The following KCNJ4 variants were observed in gnomAD, a reference collection of about 807,000 sequenced individuals.
The protein encoded by KCNJ4 is potassium inwardly rectifying channel subfamily J member 4.
Under a neutral mutation model 25.6 loss-of-function variants are expected in KCNJ4, and 3 were observed. The ratio of observed to expected loss-of-function variants is 0.12; its 90% confidence interval spans 0.05 to 0.30. The LOEUF (loss-of-function observed/expected upper bound fraction) is 0.30. Ranked by LOEUF, KCNJ4 falls within the 10% of genes least tolerant of loss-of-function variation. The pLI, the probability that KCNJ4 is intolerant of heterozygous loss-of-function variation, is 1.00. For synonymous variants in KCNJ4, 257 were observed against 283.9 expected (o/e 0.91, Z 0.95); for missense variants, 286 against 666.8 (o/e 0.43, Z 6.29).
At chr22:38,448,711 C>T (rs550126783) in intron 1 of KCNJ4, among the ~76,000 whole-genome samples, 1 of 152,196 alleles carries the variant, frequency 6.6e-6, no homozygotes, top group African/African-American at 2.4e-5. Flanking sequence ...GCCACCATTG[C>T]TGAGTGACCC....
intron 1 of KCNJ4, among the ~76,000 whole-genome samples, chr22:38,428,820 C>G (rs2093040652): frequency 6.6e-6 from 1 of 152,130 alleles, no homozygotes; most frequent in Admixed American, 6.6e-5. Context: ...CACAGGGGCT[C>G]ATGCCTGTGA....
At chr22:38,446,525 T>C (rs1235069072) in intron 1 of KCNJ4, among the ~76,000 whole-genome samples, 1 of 152,106 alleles carries the variant, frequency 6.6e-6, no homozygotes, top group Non-Finnish European at 1.5e-5. Context: ...CCCAAGGCAG[T>C]GGCTGGTGAT....
chr22:38,451,469 C>T (rs2089409944), intron 1 of KCNJ4, among the ~76,000 whole-genome samples: 2 of 152,150 alleles, frequency 1.3e-5, no homozygotes, highest in South Asian at 4.1e-4. Flanking sequence ...AGGAGTTCTT[C>T]AAAGAGACCA....
chr22:38,450,054 A>G (rs1452516456), intron 1 of KCNJ4, among the ~76,000 whole-genome samples: 4 of 152,254 alleles, frequency 2.6e-5, no homozygotes, highest in African/African-American at 9.6e-5. Context: ...CTCAGCCCAT[A>G]TTATTATTTC....
Position 38,443,175 on chromosome 22 carries a change from C to T in KCNJ4, c.-40+11805G>A, listed in dbSNP as rs2089349213. On this transcript the variant is annotated intron_variant, in intron 1 of 1. Transcript: ENST00000303592. This position sits in a 1 kb window ranked among gnomAD's most constrained non-coding sequence, Gnocchi z 4.1. Reference sequence around the variant, plus strand: ...GCTCTGGACTGGCCCTCGTTTTCCTCCTTGAGTCCTCCAGGCCTGAGGGTC... The same window carrying T: ...GCTCTGGACTGGCCCTCGTTTTCCTTCTTGAGTCCTCCAGGCCTGAGGGTC... Among the ~76,000 whole-genome samples the T allele has an allele frequency of 6.6e-6, 1 of 152,156 alleles. No homozygotes were observed. Among genetic ancestry groups the T allele is most frequent in the Non-Finnish European group, 1.5e-5 (1 of 68,012 alleles).
At chr22:38,432,256 AAAATAAAT>A (rs60276995) in intron 1 of KCNJ4, among the ~76,000 whole-genome samples, 7 of 142,712 alleles carry the variant, frequency 4.9e-5, no homozygotes, top group South Asian at 2.2e-4. Context: ...ACTCCATCTC[AAAATAAAT>A]AAATAAATAA....
At chr22:38,428,354 C>A (rs1220639366) in intron 1 of KCNJ4, among the ~76,000 whole-genome samples, 183 bp from the exon 2 acceptor site, 1 of 152,236 alleles carries the variant, frequency 6.6e-6, no homozygotes, top group Non-Finnish European at 1.5e-5. Flanking sequence ...TGAGCCAGTG[C>A]CACCCAGTCC....
intron 1 of KCNJ4, among the ~76,000 whole-genome samples, chr22:38,437,344 C>T (rs2093068278): frequency 6.6e-6 from 1 of 152,228 alleles, no homozygotes; most frequent in Non-Finnish European, 1.5e-5. Context: ...AGTCCTCTGC[C>T]CTCCCTCGAG....
At chr22:38,442,169 G>A (rs545880069) in intron 1 of KCNJ4, among the ~76,000 whole-genome samples, 30 of 152,204 alleles carry the variant, frequency 2.0e-4, no homozygotes, top group Admixed American at 3.9e-4. Flanking sequence ...TTTTAGAACC[G>A]TATGAATGTA....
intron 1 of KCNJ4, among the ~76,000 whole-genome samples, chr22:38,452,198 AATC>A (rs1569125529): frequency 6.6e-6 from 1 of 151,994 alleles, no homozygotes; most frequent in Non-Finnish European, 1.5e-5. Context: ...CTTTCAGGAG[AATC>A]GCCAAGATCT....
chr22:38,446,985 C>T lies in KCNJ4; in HGVS notation c.-40+7995G>A, dbSNP rs532428181. Among the ~76,000 whole-genome samples, 8 of 150,666 alleles carry T rather than the reference C, an allele frequency of 5.3e-5. No homozygotes were observed. The East Asian group carries it at 7.8e-4, about 15-fold the overall frequency. On this transcript the variant is annotated intron_variant, in intron 1 of 1. Coordinates refer to ENST00000303592, the MANE Select transcript of KCNJ4 (RefSeq NM_152868.3). ...AAAAAAAAAAAGAAACAGAGGCAAA[C>T]GCCCACCCTTACGGGGCAGGGGGTA...
At position 38,426,655 on chromosome 22, in the gene KCNJ4, C is replaced by G. The variant is rs1248035414; in HGVS notation, c.*140G>C. 14 of 1,104,886 alleles carry G rather than the reference C, an allele frequency of 1.3e-5. No homozygotes were observed. The South Asian group carries it at 2.2e-4, about 17-fold the overall frequency. The allele number at this position is 1,104,886 out of a possible 1,614,324, so 68.4% of individuals were successfully genotyped here. ...GCTGGAGTCAGGAGGAAGGGGTCCC[C>G]CAGTCTTTGAAACCCCCACCTTCCT... On this transcript the variant is annotated 3_prime_UTR_variant, in exon 2 of 2. Coordinates refer to ENST00000303592, the MANE Select transcript of KCNJ4 (RefSeq NM_152868.3).
At chr22:38,454,801 T>A (rs1392836645) in intron 1 of KCNJ4, among the ~76,000 whole-genome samples, 179 bp downstream of exon 1, 1 of 151,252 alleles carries the variant, frequency 6.6e-6, no homozygotes, top group African/African-American at 2.4e-5. Flanking sequence ...AGCCCGCCCG[T>A]GGAGCCCGCC....
chr22:38,426,953 C>G lies in KCNJ4; in HGVS notation c.1180G>C (p.Ala394Pro). 6.2e-7 allele frequency: 1 copy of G among 1,612,698 alleles called. No individual in the cohort carries two copies. Among genetic ancestry groups the G allele is most frequent in the Non-Finnish European group, 8.5e-7 (1 of 1,179,822 alleles). ...CCCAGGCCTGCGGCCACCGCGGCCGCCGCAGCTGCCTCCTCCTCCATCTCC... is the reference window on the plus strand; with the variant it reads ...CCCAGGCCTGCGGCCACCGCGGCCGGCGCAGCTGCCTCCTCCTCCATCTCC... ...EEEMEEEAAA[A>P]AAVAAGLGLE... is the part of the protein sequence containing the mutation. Residue 394 changes from alanine to proline, a missense_variant, in exon 2 of 2, where the codon GCG (alanine) becomes CCG (proline). Transcript: ENST00000303592.
At position 38,443,178 on chromosome 22, in the gene KCNJ4, T is replaced by C. The variant is rs751781179; in HGVS notation, c.-40+11802A>G. Among the ~76,000 whole-genome samples the C allele has an allele frequency of 5.3e-5, 8 of 152,090 alleles. No homozygotes were observed. The highest frequency in any genetic ancestry group is 1.2e-4 in the Non-Finnish European group (8 of 67,996). On this transcript the variant is annotated intron_variant, in intron 1 of 1. Coordinates refer to ENST00000303592, the MANE Select transcript of KCNJ4 (RefSeq NM_152868.3). The surrounding 1 kb of genome is among the most constrained non-coding windows in gnomAD (Gnocchi z 4.1). ...CTGGACTGGCCCTCGTTTTCCTCCT[T>C]GAGTCCTCCAGGCCTGAGGGTCCCT... is the stretch of plus-strand genomic sequence containing the variant.
chr22:38,427,112 C>T lies in KCNJ4; in HGVS notation c.1021G>A (p.Glu341Lys), dbSNP rs768295440. ...VDYSRFHKTYEVAGTPCCSAR... is the reference protein window; with the variant it reads ...VDYSRFHKTYKVAGTPCCSAR... ...GAGCAGCAGGGCGTGCCGGCCACCTCGTAGGTCTTGTGAAAACGTGAGTAG... is the reference window on the plus strand; with the variant it reads ...GAGCAGCAGGGCGTGCCGGCCACCTTGTAGGTCTTGTGAAAACGTGAGTAG... The change falls in exon 2 of 2, where the codon GAG becomes AAG. Residue 341 changes from glutamate to lysine, a missense_variant. Coordinates refer to ENST00000303592, the MANE Select transcript of KCNJ4 (RefSeq NM_152868.3). 3.1e-5 allele frequency: 50 copies of T among 1,612,872 alleles called. No individual in the cohort carries two copies. Among genetic ancestry groups the T allele is most frequent in the Non-Finnish European group, 4.2e-5 (49 of 1,180,006 alleles).
intron 1 of KCNJ4, among the ~76,000 whole-genome samples, chr22:38,438,722 AG>A (rs1216215589): frequency 3.3e-5 from 5 of 151,758 alleles, no homozygotes; most frequent in African/African-American, 4.8e-5. Context: ...AAAGAAAGAA[AG>A]AAAGAATACT....
At chr22:38,438,986 CCA>C (rs2089313140) in intron 1 of KCNJ4, among the ~76,000 whole-genome samples, 1 of 152,234 alleles carries the variant, frequency 6.6e-6, no homozygotes, top group Admixed American at 6.5e-5. Context: ...TGGCTCACAC[CCA>C]TAGTCCCAGC....
At chr22:38,448,796 G>A (rs1000382819) in intron 1 of KCNJ4, among the ~76,000 whole-genome samples, 1 of 152,164 alleles carries the variant, frequency 6.6e-6, no homozygotes, top group Non-Finnish European at 1.5e-5. Context: ...GGCCAATGCA[G>A]CCGCAGACAG....
Sources: allele counts gnomAD v4.1 joint callset (sites outside exome capture counted in the v4.1 genomes callset), GRCh38; gene constraint gnomAD v4.1.1; non-coding constraint Gnocchi (gnomAD v3.1); transcripts MANE v1.5; gene names NCBI Gene and HGNC (gene_info 2026-07-23, HGNC 2026-07-21).